NFKB1: variants seen among roughly 807,000 people sequenced by gnomAD.
NFKB1 encodes the protein nuclear factor NF-kappa-B p105 subunit.
In NFKB1, 9 loss-of-function variants were observed where a neutral mutation model predicts 105.1. That is an observed-to-expected ratio of 0.09 (90% CI 0.05 to 0.15). The LOEUF (loss-of-function observed/expected upper bound fraction) is 0.15, where lower values mean the gene tolerates loss of function less well. Ranked by LOEUF, NFKB1 falls within the 10% of genes least tolerant of loss-of-function variation. The pLI is 1.00. For missense variants in NFKB1, 830 were observed against 1,203.7 expected, an observed-to-expected ratio of 0.69 and a Z score of 4.59; for synonymous variants, 440 against 442.2, an observed-to-expected ratio of 1.00 and a Z score of 0.06.
rs954193990 is a variant in NFKB1, at chr4:102,593,587, T to C, written c.1210+19T>C. ...GGTCCAGGTACAAAAATACTTATTC[T>C]TCCTAAAACTTTTTCATATTGGAGA... On this transcript the variant is annotated intron_variant, in intron 12 of 23. Coordinates refer to ENST00000226574, the MANE Select transcript of NFKB1 (RefSeq NM_003998.4). The C allele has an allele frequency of 1.9e-6, 3 of 1,596,422 alleles. No homozygotes were observed. Among genetic ancestry groups the C allele is most frequent in the African/African-American group, 2.7e-5 (2 of 73,800 alleles).
chr4:102,616,630 C>T lies in NFKB1; in HGVS notation c.*36C>T, dbSNP rs762753752. 10 of 1,601,562 alleles carry T rather than the reference C, an allele frequency of 6.2e-6. No homozygotes were observed. The highest frequency in any genetic ancestry group is 8.5e-6 in the Non-Finnish European group (10 of 1,172,418). ...ATTTCCCACACCGTGTAAACCAAAG[C>T]CCTAAAATTCCACTGCGTTGTCCAC... On this transcript the variant is annotated 3_prime_UTR_variant, in exon 24 of 24. Transcript: ENST00000226574.
intron 1 of NFKB1, among the ~76,000 whole-genome samples, chr4:102,517,198 G>T (rs1740251407): frequency 6.6e-6 from 1 of 151,972 alleles, no homozygotes; most frequent in African/African-American, 2.4e-5. Context: ...TCTCTCTTTG[G>T]GCTCTCCCTG....
chr4:102,539,236 C>CAAAAAAAAA (rs550342036), intron 5 of NFKB1, among the ~76,000 whole-genome samples: 3 of 95,644 alleles, frequency 3.1e-5, no homozygotes, highest in Non-Finnish European at 6.2e-5. Context: ...GACTCTGTCT[C>CAAAAAAAAA]AAAAAAAAAA....
chr4:102,557,518 A>T (rs1723076476), intron 5 of NFKB1, among the ~76,000 whole-genome samples: 1 of 152,162 alleles, frequency 6.6e-6, no homozygotes, highest in South Asian at 2.1e-4. Context: ...TACCCCTGAT[A>T]AAGTCCTGTG....
intron 5 of NFKB1, among the ~76,000 whole-genome samples, chr4:102,565,475 CCTA>C (rs1484737500): frequency 1.3e-5 from 2 of 152,046 alleles, no homozygotes; most frequent in African/African-American, 4.8e-5. Flanking sequence ...GGAAAAAGTC[CCTA>C]CTAAGAAAAT....
chr4:102,576,704 T>G (rs769676293), intron 6 of NFKB1, among the ~76,000 whole-genome samples, 172 bp from the exon 7 acceptor site: 1 of 152,150 alleles, frequency 6.6e-6, no homozygotes, highest in African/African-American at 2.4e-5. Context: ...TATTGCCTTT[T>G]TAACATCAAA....
intron 10 of NFKB1, among the ~76,000 whole-genome samples, chr4:102,583,567 ATGATGAGACCTATT>A (rs1419691913): frequency 6.6e-6 from 1 of 152,194 alleles, no homozygotes; most frequent in Non-Finnish European, 1.5e-5. Context: ...CAAAGTAATT[ATGATGAGACCTATT>A]TTATGATAGC....
At chr4:102,612,719 T>A in intron 22 of NFKB1, 113 bp downstream of exon 22, 1 of 1,076,184 alleles carries the variant, frequency 9.3e-7, no homozygotes, top group Non-Finnish European at 1.3e-6. Context: ...AGAAAACCAG[T>A]CATTGCCCAA....
At chr4:102,548,680 C>T (rs1399915998) in intron 5 of NFKB1, among the ~76,000 whole-genome samples, 3 of 152,152 alleles carry the variant, frequency 2.0e-5, no homozygotes, top group Non-Finnish European at 1.5e-5. Flanking sequence ...TTTGAAGGCT[C>T]TAGGCAATAA....
chr4:102,570,091 C>T (rs1430341656), intron 6 of NFKB1, among the ~76,000 whole-genome samples: 1 of 152,046 alleles, frequency 6.6e-6, no homozygotes, highest in Non-Finnish European at 1.5e-5. Context: ...GTTCACTTAC[C>T]AGTAATCACC....
At chr4:102,529,753 A>G (rs1344462187) in intron 2 of NFKB1, 83 bp from the exon 3 acceptor site, 1 of 948,666 alleles carries the variant, frequency 1.1e-6, no homozygotes, top group African/African-American at 1.7e-5. Flanking sequence ...TCCTATTATT[A>G]CATTTTAGGT....
intron 1 of NFKB1, among the ~76,000 whole-genome samples, chr4:102,518,759 G>C (rs1165465515): frequency 6.6e-6 from 1 of 152,098 alleles, no homozygotes; most frequent in Non-Finnish European, 1.5e-5. Context: ...ACTGCTGTTT[G>C]TCTGAAGTTG....
chr4:102,601,052 G>T, intron 16 of NFKB1, 43 bp downstream of exon 16: 3 of 1,252,522 alleles, frequency 2.4e-6, no homozygotes, highest in East Asian at 4.7e-5. Context: ...AAAATCTGTA[G>T]TTTACTTTTT....
chr4:102,531,737 A>T (rs1741305967), intron 3 of NFKB1, among the ~76,000 whole-genome samples: 1 of 152,194 alleles, frequency 6.6e-6, no homozygotes, highest in Non-Finnish European at 1.5e-5. Flanking sequence ...CTGAAAGAGG[A>T]AAAATGGCTC....
intron 11 of NFKB1, among the ~76,000 whole-genome samples, chr4:102,591,205 A>G (rs56017192): frequency 0.018 from 2,733 of 152,302 alleles, 40 homozygotes; most frequent in African/African-American, 0.046. Flanking sequence ...TTTTCAGTGT[A>G]CAAGAAACAA....
At chr4:102,599,766 A>G (rs1184399708) in intron 15 of NFKB1, among the ~76,000 whole-genome samples, 2 of 152,238 alleles carry the variant, frequency 1.3e-5, no homozygotes, top group African/African-American at 4.8e-5. Flanking sequence ...TACCTAACTC[A>G]TAGGATTATT....
At position 102,610,622 on chromosome 4, in the gene NFKB1, G is replaced by A; in HGVS notation, c.2275G>A (p.Asp759Asn). The change falls in exon 20 of 24, where the codon GAC becomes AAC. Residue 759 changes from aspartate to asparagine, a missense_variant. Asp to Asn is a conservative substitution (Grantham distance 23, BLOSUM62 1). Coordinates refer to ENST00000226574, the MANE Select transcript of NFKB1 (RefSeq NM_003998.4). ...ENFEPLYDLD[D>N]SWENAGEDEG... is the part of the protein sequence containing the mutation. ...CTTTGAGCCTCTCTATGACCTGGAT[G>A]ACTCTTGGGAAAATGCAGGAGAGGA... is the stretch of plus-strand genomic sequence containing the variant. 6.2e-7 allele frequency: 1 copy of A among 1,614,022 alleles called. No individual in the cohort carries two copies. The highest frequency in any genetic ancestry group is 1.1e-5 in the South Asian group (1 of 91,072).
rs1017596134 is a variant in NFKB1 at position 102,597,408 on chromosome 4, T to C, written c.1496-112T>C. 24 of 1,123,564 alleles carry C rather than the reference T, an allele frequency of 2.1e-5. No homozygotes were observed. In the African/African-American group the frequency reaches 2.7e-4, roughly 12 times the overall value. 69.6% of individuals were successfully genotyped at this position (1,123,564 alleles called of 1,614,324 possible). A position where few individuals can be genotyped will look rare whatever the true frequency, so the allele number is the denominator to read the frequency against. On this transcript the variant is annotated intron_variant, in intron 14 of 23. Coordinates refer to ENST00000226574, the MANE Select transcript of NFKB1 (RefSeq NM_003998.4). Reference sequence around the variant, plus strand: ...ATTGAAAGAACATTTTCAACTAAAATGATATGTCAAGGTGTCAGAACACTG... The same window carrying C: ...ATTGAAAGAACATTTTCAACTAAAACGATATGTCAAGGTGTCAGAACACTG...
In NFKB1 at chr4:102,616,654, A is replaced by C. The variant is rs916516579; in HGVS notation, c.*60A>C. On this transcript the variant is annotated 3_prime_UTR_variant, in exon 24 of 24. Transcript: ENST00000226574. ...GCCCTAAAATTCCACTGCGTTGTCC[A>C]CAAGACAGAAGCTGAAGTGCATCCA... The C allele has an allele frequency of 9.6e-6, 15 of 1,561,236 alleles. No individual in the cohort carries two copies. The highest frequency in any genetic ancestry group is 1.3e-5 in the Non-Finnish European group (15 of 1,146,204).
Sources: gnomAD v4.1 joint callset for allele counts (sites outside exome capture counted in the v4.1 genomes callset) on GRCh38, gnomAD v4.1.1 for gene constraint, MANE v1.5 for transcripts, NCBI Gene and HGNC (gene_info 2026-07-23, HGNC 2026-07-21) for gene names.